Variants in BAALC observed in about 807,000 individuals in gnomAD.
The protein encoded by BAALC is BAALC binder of MAP3K1 and KLF4.
BAALC carries 9 observed loss-of-function variants against 15.5 expected under a neutral mutation model. The observed-to-expected ratio is 0.58, with a 90% CI of 0.35 to 1.02. BAALC has a LOEUF of 1.02. Among genes scored for constraint, BAALC ranks in the 50% least tolerant of loss-of-function variants. The probability of loss-of-function intolerance (pLI) is 0.02; values close to 1 mark genes in which losing one functional copy is unlikely to be tolerated. For synonymous variants in BAALC, 80 were observed against 74.6 expected (o/e 1.07, Z -0.37); for missense variants, 201 against 192.4 (o/e 1.04, Z -0.27).
intron 1 of BAALC, among the ~76,000 whole-genome samples, chr8:103,146,176 A>T (rs1170719235): frequency 6.6e-6 from 1 of 152,210 alleles, no homozygotes; most frequent in Non-Finnish European, 1.5e-5. Context: ...AGAGGCATTC[A>T]GGAACTAAGC....
At chr8:103,173,516 GA>G (rs377201118) in intron 1 of BAALC, among the ~76,000 whole-genome samples, 3 of 152,062 alleles carry the variant, frequency 2.0e-5, no homozygotes, top group Admixed American at 1.3e-4. Context: ...GCTAATAATA[GA>G]TTTTTTTCAC....
chr8:103,156,357 G>T (rs1811091385), intron 1 of BAALC, among the ~76,000 whole-genome samples: 1 of 152,208 alleles, frequency 6.6e-6, no homozygotes, highest in African/African-American at 2.4e-5. Flanking sequence ...AAGTATTAGA[G>T]ATTTTATTAT....
At chr8:103,226,124 A>G (rs1306333911) in intron 2 of BAALC, among the ~76,000 whole-genome samples, 1 of 152,194 alleles carries the variant, frequency 6.6e-6, no homozygotes, top group African/African-American at 2.4e-5. Flanking sequence ...GAGGCAGACT[A>G]TGTTCCCAGG....
intron 1 of BAALC, among the ~76,000 whole-genome samples, chr8:103,169,267 C>T (rs1247094256): frequency 1.3e-5 from 2 of 152,112 alleles, no homozygotes; most frequent in African/African-American, 4.8e-5. Flanking sequence ...TCTTTTGGTT[C>T]TCTGAATGTT....
intron 1 of BAALC, among the ~76,000 whole-genome samples, chr8:103,211,840 C>T (rs1812452762): frequency 6.6e-6 from 1 of 152,170 alleles, no homozygotes; most frequent in Non-Finnish European, 1.5e-5. Context: ...CATACAGACT[C>T]CTCTATTGTT....
At chr8:103,171,757 C>G (rs771871590) in intron 1 of BAALC, among the ~76,000 whole-genome samples, 21 of 152,316 alleles carry the variant, frequency 1.4e-4, no homozygotes, top group Admixed American at 3.3e-4. Flanking sequence ...GATTTTCTGT[C>G]TCCTTTGCAT....
intron 1 of BAALC, among the ~76,000 whole-genome samples, chr8:103,177,570 T>C (rs1264627378): frequency 6.6e-6 from 1 of 152,216 alleles, no homozygotes; most frequent in African/African-American, 2.4e-5. Flanking sequence ...CCGCAGTTTC[T>C]GGTTTTTACT....
intron 1 of BAALC, among the ~76,000 whole-genome samples, chr8:103,187,340 G>A (rs1015770599): frequency 6.6e-6 from 1 of 152,122 alleles, no homozygotes; most frequent in Non-Finnish European, 1.5e-5. Flanking sequence ...GTGGGAGTGG[G>A]GATGCTATTG....
At chr8:103,210,545 A>G (rs1039310876) in intron 1 of BAALC, among the ~76,000 whole-genome samples, 13 of 152,242 alleles carry the variant, frequency 8.5e-5, no homozygotes, top group African/African-American at 2.7e-4. Context: ...TGCCTGCCCC[A>G]TGGCAAATAA....
At chr8:103,179,137 C>T (rs1811672154) in intron 1 of BAALC, among the ~76,000 whole-genome samples, 1 of 152,124 alleles carries the variant, frequency 6.6e-6, no homozygotes, top group African/African-American at 2.4e-5. Context: ...ACTGTTTGGC[C>T]CTAATCAAAT....
intron 1 of BAALC, among the ~76,000 whole-genome samples, chr8:103,180,838 C>T (rs1008185434): frequency 1.3e-5 from 2 of 152,204 alleles, no homozygotes; most frequent in Non-Finnish European, 2.9e-5. Flanking sequence ...ATCTGCCCAA[C>T]TTCTTGAATT....
chr8:103,188,801 G>A (rs1166030380), intron 1 of BAALC, among the ~76,000 whole-genome samples: 3 of 152,190 alleles, frequency 2.0e-5, no homozygotes, highest in Non-Finnish European at 2.9e-5. Flanking sequence ...TGAGAAAGGA[G>A]TACATATATT....
chr8:103,184,872 G>C (rs989039773), intron 1 of BAALC, among the ~76,000 whole-genome samples: 6 of 152,188 alleles, frequency 3.9e-5, no homozygotes, highest in African/African-American at 1.4e-4. Context: ...GCAGAGAGCT[G>C]TCGTTTATTC....
chr8:103,222,098 G>A (rs1453551535), intron 2 of BAALC, among the ~76,000 whole-genome samples: 1 of 152,166 alleles, frequency 6.6e-6, no homozygotes, highest in Non-Finnish European at 1.5e-5. Flanking sequence ...CTAAAGACCT[G>A]GGATCTGCAG....
At chr8:103,169,050 T>TA (rs1257941115) in intron 1 of BAALC, among the ~76,000 whole-genome samples, 5 of 152,062 alleles carry the variant, frequency 3.3e-5, no homozygotes, top group South Asian at 2.1e-4. Context: ...CTGTGTCTTT[T>TA]AAAAAAATCT....
At chr8:103,200,574 C>A in intron 1 of BAALC, 1 of 488,938 alleles carries the variant, frequency 2.0e-6, no homozygotes, top group Non-Finnish European at 3.8e-6. Context: ...TAAAAGACAA[C>A]AGGGACTGTC....
intron 1 of BAALC, among the ~76,000 whole-genome samples, chr8:103,201,986 T>C (rs1185610209): frequency 6.6e-6 from 1 of 152,222 alleles, no homozygotes. Context: ...AATCTATACA[T>C]GTCTATGCAC....
chr8:103,225,621 C>A (rs1409810126), intron 2 of BAALC, among the ~76,000 whole-genome samples: 2 of 152,100 alleles, frequency 1.3e-5, no homozygotes, highest in Admixed American at 6.5e-5. Context: ...CACAAGGAGA[C>A]CTGGGGCAAG....
intron 1 of BAALC, among the ~76,000 whole-genome samples, chr8:103,175,819 C>T (rs569646609): frequency 3.3e-5 from 5 of 152,158 alleles, no homozygotes; most frequent in Non-Finnish European, 7.3e-5. Context: ...CTGGGGGTAT[C>T]GTCTATTTAT....
Sources: allele counts gnomAD v4.1 joint callset (sites outside exome capture counted in the v4.1 genomes callset), GRCh38; gene constraint gnomAD v4.1.1; transcripts MANE v1.5; gene names NCBI Gene and HGNC (gene_info 2026-07-23, HGNC 2026-07-21).